TRPM7: variants seen among roughly 807,000 people sequenced by gnomAD.
The protein encoded by TRPM7 is LTRPC ion channel family member 7.
A neutral mutation model predicts 229.7 loss-of-function variants in TRPM7; 134 were observed. The ratio of observed to expected loss-of-function variants is 0.58; its 90% CI spans 0.51 to 0.67. The LOEUF (loss-of-function observed/expected upper bound fraction) is 0.67. TRPM7 is among the 30% of genes least tolerant of loss of function. The pLI, the probability that TRPM7 is intolerant of heterozygous loss-of-function variation, is 0.00. For missense variants in TRPM7, 1,901 were observed against 2,210.0 expected (o/e 0.86, Z 2.80); for synonymous variants, 699 against 715.2 (o/e 0.98, Z 0.36).
At chr15:50,610,444 G>A (rs75779105) in intron 17 of TRPM7, among the ~76,000 whole-genome samples, 1 of 152,020 alleles carries the variant, frequency 6.6e-6, no homozygotes, top group Non-Finnish European at 1.5e-5. Flanking sequence ...AAATCCCAAA[G>A]CATGAAGAAA....
chr15:50,565,819 A>C, intron 38 of TRPM7, among the ~76,000 whole-genome samples: 1 of 138,432 alleles, frequency 7.2e-6, no homozygotes, highest in Non-Finnish European at 1.6e-5. Flanking sequence ...GAGACCATAA[A>C]CTCTTTTTGT....
intron 21 of TRPM7, chr15:50,599,523 G>A (rs1026449011): frequency 3.2e-5 from 12 of 371,022 alleles, no homozygotes; most frequent in African/African-American, 2.5e-4. Flanking sequence ...AGCAAGTCAT[G>A]GGCATCTTTA....
chr15:50,593,387 A>G (rs1431740487), intron 25 of TRPM7, among the ~76,000 whole-genome samples: 1 of 152,148 alleles, frequency 6.6e-6, no homozygotes, highest in African/African-American at 2.4e-5. Flanking sequence ...CAAACAGTAA[A>G]GAACAGTAAA....
chr15:50,674,059 G>C (rs1195175022), intron 1 of TRPM7, among the ~76,000 whole-genome samples: 1 of 152,130 alleles, frequency 6.6e-6, no homozygotes, highest in Non-Finnish European at 1.5e-5. Context: ...CATGATCTCG[G>C]CTCACTGCAA....
At chr15:50,606,530 A>T (rs1228318413) in intron 20 of TRPM7, among the ~76,000 whole-genome samples, 4 of 151,588 alleles carry the variant, frequency 2.6e-5, no homozygotes, top group African/African-American at 9.7e-5. Context: ...ATAGAGTATC[A>T]CTCTTTCGCC....
In TRPM7 at chr15:50,639,403, A is replaced by C. The variant is rs117177807; in HGVS notation, c.660+21T>G. Reference sequence around the variant, plus strand: ...TTTACATATAATTTCAAACATAAGAAATTTTAAAAATAATTCTTACATCTC... The same window carrying C: ...TTTACATATAATTTCAAACATAAGACATTTTAAAAATAATTCTTACATCTC... On this transcript the variant is annotated intron_variant, in intron 6 of 38. Transcript: ENST00000646667. 15,184 of 1,550,152 alleles carry C rather than the reference A, an allele frequency of 9.8e-3. 98 individuals carry two copies. The highest frequency in any genetic ancestry group is 0.012 in the Non-Finnish European group (13,439 of 1,145,500).
chr15:50,562,994 G>A (rs1252139585), intron 38 of TRPM7, among the ~76,000 whole-genome samples: 4 of 152,130 alleles, frequency 2.6e-5, no homozygotes, highest in African/African-American at 9.7e-5. Context: ...CAGAAGGAAT[G>A]GACTTAGTGT....
chr15:50,644,870 A>C (rs1326189065), intron 4 of TRPM7, among the ~76,000 whole-genome samples: 1 of 151,100 alleles, frequency 6.6e-6, no homozygotes, highest in African/African-American at 2.4e-5. Context: ...TGAGTAGAAG[A>C]CTGGAGTCCC....
chr15:50,637,792 A>C (rs1460098656), intron 6 of TRPM7, among the ~76,000 whole-genome samples, 199 bp from the exon 7 acceptor site: 1 of 152,268 alleles, frequency 6.6e-6, no homozygotes, highest in African/African-American at 2.4e-5. Flanking sequence ...GGGTTGAAAC[A>C]CATGATTATA....
intron 4 of TRPM7, among the ~76,000 whole-genome samples, chr15:50,648,219 A>C (rs2061325104): frequency 6.6e-6 from 1 of 152,236 alleles, no homozygotes; most frequent in Non-Finnish European, 1.5e-5. Context: ...GGATGACTGT[A>C]TAAATAATAT....
chr15:50,567,579 T>C (rs1451738665), intron 38 of TRPM7, among the ~76,000 whole-genome samples: 1 of 152,078 alleles, frequency 6.6e-6, no homozygotes, highest in East Asian at 1.9e-4. Flanking sequence ...CAACCTATTA[T>C]TGAAAACTGA....
chr15:50,621,378 C>A (rs918361934), intron 12 of TRPM7, among the ~76,000 whole-genome samples: 6 of 151,982 alleles, frequency 3.9e-5, no homozygotes, highest in Non-Finnish European at 7.4e-5. Context: ...TTCTTAAATT[C>A]TATTTTATCC....
rs375405483 is a variant in TRPM7, at chr15:50,664,241, C to T, written c.4-1195G>A. Among the ~76,000 whole-genome samples, 9 of 141,092 alleles carry T rather than the reference C, an allele frequency of 6.4e-5. 1 individual carries two copies. Among genetic ancestry groups the T allele is most frequent in the Non-Finnish European group, 6.0e-5 (4 of 66,462 alleles). 92.6% of individuals were successfully genotyped at this position (141,092 alleles called of 152,430 possible). Reference sequence around the variant, plus strand: ...TGAACCAGGGAGTGAACCAGGGAGTCGGAGGTTGCAGTGAGCCGAGATCGC... The same window carrying T: ...TGAACCAGGGAGTGAACCAGGGAGTTGGAGGTTGCAGTGAGCCGAGATCGC... On this transcript the variant is annotated intron_variant, in intron 1 of 38. Coordinates refer to ENST00000646667, the MANE Select transcript of TRPM7 (RefSeq NM_017672.6).
chr15:50,613,831 C>T lies in TRPM7; in HGVS notation c.1646G>A (p.Arg549Gln), dbSNP rs542912489. The change falls in exon 15 of 39, where the codon CGA (arginine) becomes CAA (glutamine). Residue 549 changes from arginine to glutamine, a missense_variant. This residue lies in a region of TRPM7 where 794 missense variants were observed against 881.9 expected (regional missense o/e 0.90). Transcript: ENST00000646667. ...SLGGNNRRSG[R>Q]NTSSSTPQLR... ...CTGAGGAGTGCTGCTGGAGGTATTTCGGCCAGACCTCTGAAAATGAGATCT... is the reference window on the plus strand; with the variant it reads ...CTGAGGAGTGCTGCTGGAGGTATTTTGGCCAGACCTCTGAAAATGAGATCT... 48 of 1,609,644 alleles carry T rather than the reference C, an allele frequency of 3.0e-5. No homozygotes were observed. Among genetic ancestry groups the T allele is most frequent in the East Asian group, 8.9e-5 (4 of 44,832 alleles).
intron 19 of TRPM7, 103 bp downstream of exon 19, chr15:50,609,478 T>G (rs1275077669): frequency 8.8e-7 from 1 of 1,139,050 alleles, no homozygotes; most frequent in African/African-American, 1.6e-5. Flanking sequence ...GAAATGCCTT[T>G]TCAGTGATCT....
At chr15:50,587,988 G>A (rs1329925548) in intron 27 of TRPM7, among the ~76,000 whole-genome samples, 1 of 151,984 alleles carries the variant, frequency 6.6e-6, no homozygotes, top group East Asian at 1.9e-4. Flanking sequence ...TTTATCGTGT[G>A]TCAGCTAAGG....
intron 17 of TRPM7, 118 bp downstream of exon 17, chr15:50,610,975 C>T: frequency 6.5e-6 from 5 of 766,376 alleles, no homozygotes; most frequent in Non-Finnish European, 1.0e-5. Flanking sequence ...ATCTTGCTCC[C>T]TCTTTACCCC....
At chr15:50,674,595 G>C (rs138211774) in intron 1 of TRPM7, among the ~76,000 whole-genome samples, 1 of 152,192 alleles carries the variant, frequency 6.6e-6, no homozygotes, top group African/African-American at 2.4e-5. Context: ...TGGTATTAGA[G>C]TATTCTAAAT....
chr15:50,671,721 G>T (rs1268649987), intron 1 of TRPM7, among the ~76,000 whole-genome samples: 1 of 151,924 alleles, frequency 6.6e-6, no homozygotes, highest in East Asian at 1.9e-4. Context: ...AAGGTGGGAG[G>T]ATCATTTGAG....
Sources: allele counts gnomAD v4.1 joint callset (sites outside exome capture counted in the v4.1 genomes callset), GRCh38; gene constraint gnomAD v4.1.1; regional missense constraint gnomAD v4.1.1; transcripts MANE v1.5; gene names NCBI Gene and HGNC (gene_info 2026-07-23, HGNC 2026-07-21).